The following IRF2 variants were observed in gnomAD, a reference collection of about 807,000 sequenced individuals.
IRF2 encodes the protein interferon regulatory factor 2.
In IRF2, 15 loss-of-function variants were observed where a neutral mutation model predicts 40.6. That is an observed-to-expected ratio of 0.37 (90% CI 0.25 to 0.57). The LOEUF is 0.57. IRF2 is among the 20% of genes least tolerant of loss of function. The pLI, the probability that IRF2 is intolerant of heterozygous loss-of-function variation, is 0.77. For synonymous variants in IRF2, 151 were observed against 165.5 expected, an observed-to-expected ratio of 0.91 and a Z score of 0.67; for missense variants, 317 against 455.7, an observed-to-expected ratio of 0.70 and a Z score of 2.77.
At chr4:184,416,411 A>G (rs1737278542) in intron 5 of IRF2, among the ~76,000 whole-genome samples, 1 of 151,942 alleles carries the variant, frequency 6.6e-6, no homozygotes, top group South Asian at 2.1e-4. Flanking sequence ...AAAAAAAAAA[A>G]TGTTTTAAGA....
At chr4:184,451,361 G>A (rs1346708999) in intron 1 of IRF2, among the ~76,000 whole-genome samples, 1 of 152,214 alleles carries the variant, frequency 6.6e-6, no homozygotes, top group Non-Finnish European at 1.5e-5. Flanking sequence ...TGTCTAGGGA[G>A]ATAATAGTGG....
At chr4:184,456,467 G>A (rs1738937296) in intron 1 of IRF2, among the ~76,000 whole-genome samples, 1 of 152,224 alleles carries the variant, frequency 6.6e-6, no homozygotes, top group Non-Finnish European at 1.5e-5. Context: ...CACGGGGAAC[G>A]TGAGAGCCGC....
intron 1 of IRF2, among the ~76,000 whole-genome samples, chr4:184,471,571 T>A (rs1739515210): frequency 6.6e-6 from 1 of 152,240 alleles, no homozygotes; most frequent in Admixed American, 6.5e-5. Flanking sequence ...GTGAAAATGC[T>A]CTAAAAACAA....
intron 2 of IRF2, chr4:184,428,681 T>C: frequency 2.1e-6 from 1 of 483,922 alleles, no homozygotes; most frequent in Non-Finnish European, 4.0e-6. Context: ...TACCTGTAGT[T>C]CCAGCTACTC....
chr4:184,466,654 C>T (rs1052931667), intron 1 of IRF2, among the ~76,000 whole-genome samples: 1 of 152,190 alleles, frequency 6.6e-6, no homozygotes, highest in Non-Finnish European at 1.5e-5. Context: ...AGTTTGGGGC[C>T]TCACATAGTG....
At chr4:184,404,968 C>T (rs1316048324) in intron 6 of IRF2, among the ~76,000 whole-genome samples, 5 of 152,160 alleles carry the variant, frequency 3.3e-5, no homozygotes, top group East Asian at 1.9e-4. Flanking sequence ...AGAGGCCAGG[C>T]GCGGTGGCTC....
intron 7 of IRF2, among the ~76,000 whole-genome samples, chr4:184,396,425 TA>T (rs33961856): frequency 0.033 from 4,523 of 138,616 alleles, 245 homozygotes; most frequent in African/African-American, 0.12. Context: ...CATATATATA[TA>T]TTTTTTTTTC....
intron 1 of IRF2, among the ~76,000 whole-genome samples, chr4:184,472,865 C>T (rs912428730): frequency 6.6e-6 from 1 of 152,224 alleles, no homozygotes; most frequent in Non-Finnish European, 1.5e-5. Context: ...GGCTCTGGCG[C>T]CCTGCCCAGG....
intron 1 of IRF2, among the ~76,000 whole-genome samples, chr4:184,455,696 T>C (rs1738899026): frequency 6.6e-6 from 1 of 152,048 alleles, no homozygotes; most frequent in African/African-American, 2.4e-5. Context: ...TTGTGATGGA[T>C]AAACTTATGA....
intron 7 of IRF2, among the ~76,000 whole-genome samples, chr4:184,397,223 G>C (rs1736499581): frequency 6.6e-6 from 1 of 152,190 alleles, no homozygotes; most frequent in Non-Finnish European, 1.5e-5. Flanking sequence ...CCTATGCTAA[G>C]TGAAATAAGC....
At position 184,448,247 on chromosome 4, in the gene IRF2, A is replaced by C. The variant is rs1738586186; in HGVS notation, c.-6-19177T>G. On this transcript the variant is annotated intron_variant, in intron 1 of 8. Transcript: ENST00000393593. The surrounding 1 kb of genome is among the most constrained non-coding windows in gnomAD (Gnocchi z 4.3). ...TCTGCAAATACAACAAACTCTAGGA[A>C]ACCCCCTTTGTGGTGCTTAAATGAA... Among the ~76,000 whole-genome samples the C allele has an allele frequency of 6.6e-6, 1 of 152,208 alleles. No individual in the cohort carries two copies. The highest frequency in any genetic ancestry group is 6.5e-5 in the Admixed American group (1 of 15,276).
At chr4:184,415,771 A>G (rs189066153) in intron 5 of IRF2, among the ~76,000 whole-genome samples, 214 of 152,304 alleles carry the variant, frequency 1.4e-3, no homozygotes, top group African/African-American at 4.9e-3. Context: ...TCTGCATCCT[A>G]ATGGAAAACC....
intron 1 of IRF2, among the ~76,000 whole-genome samples, chr4:184,450,339 ATTTCAATC>A (rs1214557429): frequency 2.6e-5 from 4 of 152,208 alleles, no homozygotes; most frequent in African/African-American, 9.6e-5. Flanking sequence ...ATTTCAAGTT[ATTTCAATC>A]TTTGGAATAT....
At position 184,433,776 on chromosome 4, in the gene IRF2, T is replaced by C. The variant is rs562303749; in HGVS notation, c.-6-4706A>G. Among the ~76,000 whole-genome samples, 173 of 152,226 alleles carry C rather than the reference T, an allele frequency of 1.1e-3. 1 individual carries two copies. Among genetic ancestry groups the C allele is most frequent in the Middle Eastern group, 3.4e-3 (1 of 294 alleles). On this transcript the variant is annotated intron_variant, in intron 1 of 8. Coordinates refer to ENST00000393593, the MANE Select transcript of IRF2 (RefSeq NM_002199.4). ...GACTTGATTTTTCTCCCCTGACCCA[T>C]CTCCCACGCCCTGGGCAGGTAGTGC...
At chr4:184,394,308 G>A (rs1736366918) in intron 7 of IRF2, among the ~76,000 whole-genome samples, 1 of 152,176 alleles carries the variant, frequency 6.6e-6, no homozygotes, top group Admixed American at 6.5e-5. Context: ...ATCCAGTCCA[G>A]TTTTTAACGC....
At chr4:184,441,385 G>A (rs745617134) in intron 1 of IRF2, among the ~76,000 whole-genome samples, 48 of 152,194 alleles carry the variant, frequency 3.2e-4, no homozygotes, top group African/African-American at 1.0e-3. Context: ...TTTCCCGGCC[G>A]GTTCTAATCT....
chr4:184,399,330 T>C (rs1295047847), intron 6 of IRF2, among the ~76,000 whole-genome samples: 4 of 152,200 alleles, frequency 2.6e-5, no homozygotes, highest in Non-Finnish European at 4.4e-5. Flanking sequence ...ACGGTGGCCA[T>C]GTCCTTTCCA....
At chr4:184,399,233 G>A (rs574343604) in intron 6 of IRF2, among the ~76,000 whole-genome samples, 154 bp from the exon 7 acceptor site, 1 of 152,342 alleles carries the variant, frequency 6.6e-6, no homozygotes, top group Admixed American at 6.5e-5. Context: ...CCTGAGCTCT[G>A]TAGCTCTGGT....
rs115569494 is a variant in IRF2 at position 184,455,666 on chromosome 4, C to T, written c.-7+18713G>A. ...AGGGCAAGGGCTGAGGAGGATAAGG[C>T]GGATGATATTAACTATACGTTGTGA... On this transcript the variant is annotated intron_variant, in intron 1 of 8. Transcript: ENST00000393593. Among the ~76,000 whole-genome samples the T allele has an allele frequency of 7.3e-3, 1,110 of 151,924 alleles. 20 individuals carry two copies. Among genetic ancestry groups the T allele is most frequent in the African/African-American group, 0.025 (1,016 of 41,398 alleles).
Sources: allele counts gnomAD v4.1 joint callset (sites outside exome capture counted in the v4.1 genomes callset), GRCh38; gene constraint gnomAD v4.1.1; non-coding constraint Gnocchi (gnomAD v3.1); transcripts MANE v1.5; gene names NCBI Gene and HGNC (gene_info 2026-07-23, HGNC 2026-07-21).